ACP7: variants seen among roughly 807,000 people sequenced by gnomAD.
ACP7 encodes acid phosphatase 7, tartrate resistant (putative).
Under a neutral mutation model 60.6 loss-of-function variants are expected in ACP7, and 58 were observed. The ratio of observed to expected loss-of-function variants is 0.96; its 90% CI spans 0.77 to 1.19. ACP7 has a LOEUF of 1.19. Ranked by LOEUF, ACP7 falls within the 50% of genes most tolerant of loss-of-function variation. The pLI is 0.00. For missense variants in ACP7, 574 were observed against 596.2 expected (o/e 0.96, Z 0.39); for synonymous variants, 237 against 232.6 (o/e 1.02, Z -0.17).
chr19:39,093,177 T>TCCTTCCTTCCTTCCTTCCTTCCTC (rs2073227597), intron 2 of ACP7, among the ~76,000 whole-genome samples: 1 of 132,638 alleles, frequency 7.5e-6, no homozygotes, highest in Non-Finnish European at 1.6e-5. Flanking sequence ...TTTCTCTCCT[T>TCCTTCCTTCCTTCCTTCCTTCCTC]CCTTCCTTCC....
intron 2 of ACP7, among the ~76,000 whole-genome samples, chr19:39,087,938 T>A (rs1458576194): frequency 6.6e-6 from 1 of 151,586 alleles, no homozygotes; most frequent in Non-Finnish European, 1.5e-5. Context: ...CTGGCTCTAG[T>A]CCTACTCTTT....
At chr19:39,108,812 T>A (rs1448123048) in intron 12 of ACP7, among the ~76,000 whole-genome samples, 1 of 152,106 alleles carries the variant, frequency 6.6e-6, no homozygotes, top group Non-Finnish European at 1.5e-5. Flanking sequence ...CTGCATTTAG[T>A]AGCACTTTAT....
chr19:39,100,711 C>G, intron 6 of ACP7, 28 bp from the exon 7 acceptor site: 1 of 1,612,788 alleles, frequency 6.2e-7, no homozygotes, highest in Non-Finnish European at 8.5e-7. Flanking sequence ...AGCCCTGGTC[C>G]CTGACCCCTG....
chr19:39,085,204 C>G lies in ACP7; in HGVS notation c.-66C>G. On this transcript the variant is annotated 5_prime_UTR_variant, in exon 2 of 13. Coordinates refer to ENST00000331256, the MANE Select transcript of ACP7 (RefSeq NM_001004318.3). ...CATCCTCCCAGCCCTTCCTGCTGTACCTGTGGGGAGCTGATCTCCTCAGTC... is the reference window on the plus strand; with the variant it reads ...CATCCTCCCAGCCCTTCCTGCTGTAGCTGTGGGGAGCTGATCTCCTCAGTC... 1 of 1,547,418 alleles carries G rather than the reference C, an allele frequency of 6.5e-7. No individual in the cohort carries two copies. The highest frequency in any genetic ancestry group is 8.7e-7 in the Non-Finnish European group (1 of 1,144,510).
chr19:39,106,013 A>G (rs1226633899), intron 11 of ACP7, among the ~76,000 whole-genome samples: 1 of 152,154 alleles, frequency 6.6e-6, no homozygotes, highest in Non-Finnish European at 1.5e-5. Flanking sequence ...CTATGCAAAC[A>G]TCCTGTTATG....
In ACP7 at chr19:39,110,500, T is replaced by G; in HGVS notation, c.*382T>G. ...GATGCCGCTGGGCTTCCTCCTCTCC[T>G]GCCCACCTGGCAAGGGCATCGCCAG... On this transcript the variant is annotated 3_prime_UTR_variant, in exon 13 of 13. Coordinates refer to ENST00000331256, the MANE Select transcript of ACP7 (RefSeq NM_001004318.3). The G allele has an allele frequency of 5.7e-6, 1 of 176,540 alleles. No homozygotes were observed. Among genetic ancestry groups the G allele is most frequent in the Non-Finnish European group, 1.2e-5 (1 of 83,556 alleles). The allele number at this position is 176,540 out of a possible 1,614,324, so 10.9% of individuals were successfully genotyped here.
In ACP7 at chr19:39,086,998, A is replaced by C. The variant is rs535674168; in HGVS notation, c.121+1608A>C. On this transcript the variant is annotated intron_variant, in intron 2 of 12. Coordinates refer to ENST00000331256, the MANE Select transcript of ACP7 (RefSeq NM_001004318.3). ...AAAGTGGCATTGACTTGCATCTTTTAAAAATCTTTTATTTATTTATTTATT... is the reference window on the plus strand; with the variant it reads ...AAAGTGGCATTGACTTGCATCTTTTCAAAATCTTTTATTTATTTATTTATT... 4.7e-4 allele frequency among the ~76,000 whole-genome samples: 72 copies of C among 152,220 alleles called. 1 individual carries two copies. The South Asian group carries it at 0.015, about 31-fold the overall frequency.
At chr19:39,098,348 C>G in intron 2 of ACP7, 110 bp from the exon 3 acceptor site, 2 of 685,364 alleles carry the variant, frequency 2.9e-6, no homozygotes, top group Non-Finnish European at 4.3e-6. Context: ...AACCTGTGTC[C>G]TTAACCACTA....
chr19:39,108,493 A>C (rs2073435674), intron 12 of ACP7, among the ~76,000 whole-genome samples: 2 of 152,092 alleles, frequency 1.3e-5, no homozygotes, highest in South Asian at 4.1e-4. Context: ...GGGGATAATC[A>C]TAGTTTCCAC....
chr19:39,101,581 A>G (rs755086400), intron 11 of ACP7, 44 bp downstream of exon 11: 3 of 1,577,570 alleles, frequency 1.9e-6, no homozygotes, highest in Non-Finnish European at 2.6e-6. Flanking sequence ...CTCTATTCCT[A>G]TCTATGGAGG....
At chr19:39,109,934 C>T in intron 12 of ACP7, 119 bp from the exon 13 acceptor site, 1 of 945,984 alleles carries the variant, frequency 1.1e-6, no homozygotes, top group Non-Finnish European at 1.6e-6. Context: ...GAGGCCTAGC[C>T]ACTTGCTCAG....
At chr19:39,099,206 G>A in intron 4 of ACP7, 64 bp downstream of exon 4, 2 of 1,411,396 alleles carry the variant, frequency 1.4e-6, no homozygotes, top group Non-Finnish European at 9.1e-7. Context: ...GGTGGGGGGC[G>A]CGCGGGTCGG....
Position 39,101,141 on chromosome 19 carries a change from C to G in ACP7, c.916-9C>G. ...GCGTCACCCTCACCCGCTCATTCACCCTGCCCAGGTCCGCAAAGGCCTCCA... is the reference window on the plus strand; with the variant it reads ...GCGTCACCCTCACCCGCTCATTCACGCTGCCCAGGTCCGCAAAGGCCTCCA... On this transcript the variant is annotated splice_polypyrimidine_tract_variant and intron_variant, in intron 8 of 12. Transcript: ENST00000331256. The G allele has an allele frequency of 6.2e-7, 1 of 1,614,090 alleles. No individual in the cohort carries two copies.
At position 39,108,648 on chromosome 19, in the gene ACP7, A is replaced by G. The variant is rs182311284; in HGVS notation, c.1252-1405A>G. Reference sequence around the variant, plus strand: ...GGTGGGACACAGGTAGGGGAAAACAATAAGATGAGTATGTGGTACAGGTGG... The same window carrying G: ...GGTGGGACACAGGTAGGGGAAAACAGTAAGATGAGTATGTGGTACAGGTGG... On this transcript the variant is annotated intron_variant, in intron 12 of 12. Transcript: ENST00000331256. 5.8e-4 allele frequency among the ~76,000 whole-genome samples: 88 copies of G among 152,258 alleles called. 1 individual carries two copies. Among genetic ancestry groups the G allele is most frequent in the Admixed American group, 3.3e-3 (51 of 15,272 alleles).
intron 2 of ACP7, among the ~76,000 whole-genome samples, chr19:39,094,047 T>C (rs577991008): frequency 6.6e-6 from 1 of 152,320 alleles, no homozygotes; most frequent in African/African-American, 2.4e-5. Context: ...TGCATTTTTG[T>C]ATGGCTGGAG....
At chr19:39,110,028 C>T in intron 12 of ACP7, 25 bp from the exon 13 acceptor site, 1 of 1,606,502 alleles carries the variant, frequency 6.2e-7, no homozygotes. Flanking sequence ...GCTCTAACTA[C>T]TGTCCCTGTT....
Position 39,099,096 on chromosome 19 carries a change from G to T in ACP7, c.459G>T (p.Leu153=), listed in dbSNP as rs150868059. Residue 153 remains leucine (L), a synonymous_variant, in exon 4 of 13, where the codon CTG becomes CTT. Coordinates refer to ENST00000331256, the MANE Select transcript of ACP7 (RefSeq NM_001004318.3). ...ACAACCCGAAGGCCGTCCCCCGGCT[G>T]CGCAGGGACACCCAGCAGGGCATGT... ...GADNPKAVPR[L]RRDTQQGMYD... is the part of the protein sequence containing the mutation. The T allele has an allele frequency of 6.9e-6, 11 of 1,599,440 alleles. No individual in the cohort carries two copies. The highest frequency in any genetic ancestry group is 9.4e-6 in the Non-Finnish European group (11 of 1,174,024).
chr19:39,108,186 C>T (rs920962439), intron 12 of ACP7, among the ~76,000 whole-genome samples: 2 of 146,004 alleles, frequency 1.4e-5, no homozygotes, highest in Non-Finnish European at 3.0e-5. Context: ...GTCACCCAGG[C>T]TGGAATGCAG....
chr19:39,098,402 C>T (rs1249885886), intron 2 of ACP7, 56 bp from the exon 3 acceptor site: 13 of 1,276,182 alleles, frequency 1.0e-5, no homozygotes, highest in Admixed American at 7.1e-5. Context: ...TCTGCATATC[C>T]CTCCCACCCT....
Sources: gnomAD v4.1 joint callset for allele counts (sites outside exome capture counted in the v4.1 genomes callset) on GRCh38, gnomAD v4.1.1 for gene constraint, MANE v1.5 for transcripts, NCBI Gene and HGNC (gene_info 2026-07-23, HGNC 2026-07-21) for gene names.